KLHL1: variants seen among roughly 807,000 people sequenced by gnomAD.
KLHL1 encodes the protein kelch-like protein 1.
In KLHL1, 47 loss-of-function variants were observed where a neutral mutation model predicts 77.7. That is an observed-to-expected ratio of 0.60 (90% CI 0.48 to 0.77). The LOEUF (loss-of-function observed/expected upper bound fraction) is 0.77. Among genes scored for constraint, KLHL1 ranks in the 30% least tolerant of loss-of-function variants. The probability of loss-of-function intolerance (pLI) is 0.00; values close to 1 mark genes in which losing one functional copy is unlikely to be tolerated. For missense variants in KLHL1, 925 were observed against 910.8 expected (o/e 1.02, Z -0.20); for synonymous variants, 360 against 325.2 (o/e 1.11, Z -1.15).
chr13:69,857,377 T>G (rs189261739), intron 5 of KLHL1, among the ~76,000 whole-genome samples: 49 of 152,194 alleles, frequency 3.2e-4, no homozygotes, highest in Admixed American at 2.8e-3. Context: ...CAAATTTACC[T>G]TCAACATGTA....
chr13:70,103,035 G>A (rs1887961429), intron 1 of KLHL1, among the ~76,000 whole-genome samples: 1 of 152,068 alleles, frequency 6.6e-6, no homozygotes, highest in Non-Finnish European at 1.5e-5. Context: ...TTTTTAAAAA[G>A]TAGAGAACAG....
intron 6 of KLHL1, among the ~76,000 whole-genome samples, chr13:69,822,973 A>T (rs971440266): frequency 2.6e-5 from 4 of 152,162 alleles, no homozygotes; most frequent in African/African-American, 4.8e-5. Context: ...TTTGCTCATA[A>T]ACTTTCTTTC....
chr13:69,923,347 C>T (rs751081762), intron 4 of KLHL1, among the ~76,000 whole-genome samples: 20 of 152,146 alleles, frequency 1.3e-4, no homozygotes, highest in Non-Finnish European at 2.8e-4. Flanking sequence ...TGACTCTATG[C>T]TGCAATGGGG....
chr13:69,836,983 AATG>A (rs1489935011), intron 6 of KLHL1, among the ~76,000 whole-genome samples: 1 of 152,020 alleles, frequency 6.6e-6, no homozygotes, highest in African/African-American at 2.4e-5. Context: ...ATATAAATGT[AATG>A]ATGAACACTT....
chr13:70,085,230 A>C (rs1791310869), intron 1 of KLHL1, among the ~76,000 whole-genome samples: 1 of 152,206 alleles, frequency 6.6e-6, no homozygotes, highest in African/African-American at 2.4e-5. Flanking sequence ...AGACAGAGAG[A>C]GAGAGAACGG....
chr13:70,031,657 G>T (rs1343509464), intron 1 of KLHL1, among the ~76,000 whole-genome samples: 1 of 152,096 alleles, frequency 6.6e-6, no homozygotes, highest in South Asian at 2.1e-4. Context: ...AGCAGGATGG[G>T]GGTAAGCTAC....
At chr13:69,861,306 T>C (rs1880148188) in intron 5 of KLHL1, among the ~76,000 whole-genome samples, 1 of 152,106 alleles carries the variant, frequency 6.6e-6, no homozygotes, top group Non-Finnish European at 1.5e-5. Flanking sequence ...ATTCTCCACC[T>C]TTTTGTGGCT....
intron 4 of KLHL1, among the ~76,000 whole-genome samples, chr13:69,899,637 G>A (rs559979969): frequency 5.9e-5 from 9 of 152,136 alleles, no homozygotes; most frequent in East Asian, 1.9e-4. Context: ...AAAGTGAGAC[G>A]GCCTTAGTTA....
At chr13:69,875,703 C>A (rs192916034) in intron 5 of KLHL1, among the ~76,000 whole-genome samples, 7 of 152,110 alleles carry the variant, frequency 4.6e-5, no homozygotes, top group Admixed American at 1.3e-4. Context: ...GTAACTTGAA[C>A]GGTGAATGTC....
At chr13:69,738,858 C>G (rs1238952846) in intron 8 of KLHL1, among the ~76,000 whole-genome samples, 1 of 152,116 alleles carries the variant, frequency 6.6e-6, no homozygotes, top group Non-Finnish European at 1.5e-5. Context: ...ACTTTTCCAA[C>G]TTACCAAGAC....
At chr13:69,872,337 C>T (rs1239488414) in intron 5 of KLHL1, among the ~76,000 whole-genome samples, 2 of 152,070 alleles carry the variant, frequency 1.3e-5, no homozygotes, top group African/African-American at 4.8e-5. Context: ...CTACAGCCTC[C>T]TGTAGCTTGT....
chr13:70,040,122 G>C (rs1043542170), intron 1 of KLHL1, among the ~76,000 whole-genome samples: 2 of 151,902 alleles, frequency 1.3e-5, no homozygotes, highest in African/African-American at 4.8e-5. Context: ...ACATGCATTG[G>C]TAATCACAGT....
intron 8 of KLHL1, among the ~76,000 whole-genome samples, chr13:69,734,447 T>G (rs1427733325): frequency 6.6e-6 from 1 of 152,014 alleles, no homozygotes; most frequent in East Asian, 1.9e-4. Context: ...TAAAGAAAAA[T>G]AAACTCCAAG....
chr13:69,710,201 G>A (rs1875813494), intron 9 of KLHL1, among the ~76,000 whole-genome samples: 2 of 151,620 alleles, frequency 1.3e-5, no homozygotes, highest in African/African-American at 4.8e-5. Flanking sequence ...CTCAAATGTT[G>A]CAGGGGAAAT....
intron 4 of KLHL1, among the ~76,000 whole-genome samples, chr13:69,896,009 G>C: frequency 6.6e-6 from 1 of 152,068 alleles, no homozygotes; most frequent in East Asian, 1.9e-4. Flanking sequence ...TGCCCAGCCA[G>C]GAAAAATCTG....
At chr13:70,094,727 C>T (rs7985103) in intron 1 of KLHL1, among the ~76,000 whole-genome samples, 33,556 of 151,924 alleles carry the variant, frequency 0.22, 3,859 homozygotes, top group Admixed American at 0.27. Flanking sequence ...CTTCCTTAGC[C>T]GGCCAAGTGT....
rs187628216 is a variant in KLHL1, at chr13:69,828,598, G to T, written c.1414+10378C>A. 8.0e-5 allele frequency among the ~76,000 whole-genome samples: 12 copies of T among 150,218 alleles called. No homozygotes were observed. In the East Asian group the frequency reaches 2.1e-3, roughly 27 times the overall value. ...TAGGAACACAGAGGCTAAAGCAAGTGGGGAGGGGTGAGGCCTAAAAACCTT... is the reference window on the plus strand; with the variant it reads ...TAGGAACACAGAGGCTAAAGCAAGTTGGGAGGGGTGAGGCCTAAAAACCTT... On this transcript the variant is annotated intron_variant, in intron 6 of 10. Coordinates refer to ENST00000377844, the MANE Select transcript of KLHL1 (RefSeq NM_020866.3).
At chr13:69,811,168 T>C (rs894299684) in intron 6 of KLHL1, among the ~76,000 whole-genome samples, 1 of 151,644 alleles carries the variant, frequency 6.6e-6, no homozygotes, top group Non-Finnish European at 1.5e-5. Flanking sequence ...GACACAACAG[T>C]AACAACAACG....
chr13:70,026,124 A>G (rs1885934425), intron 1 of KLHL1, among the ~76,000 whole-genome samples: 2 of 152,124 alleles, frequency 1.3e-5, no homozygotes, highest in South Asian at 4.1e-4. Flanking sequence ...TCTTTGTCTG[A>G]CCATAACAAG....
Sources: gnomAD v4.1 joint callset for allele counts (sites outside exome capture counted in the v4.1 genomes callset) on GRCh38, gnomAD v4.1.1 for gene constraint, MANE v1.5 for transcripts, NCBI Gene and HGNC (gene_info 2026-07-23, HGNC 2026-07-21) for gene names.